The following FAM163A variants were observed in gnomAD, a reference collection of about 807,000 sequenced individuals.
FAM163A encodes family with sequence similarity 163 member A, also known as protein FAM163A.
A neutral mutation model predicts 12.0 loss-of-function variants in FAM163A; 7 were observed. The observed-to-expected ratio is 0.58, with a 90% CI of 0.33 to 1.10. FAM163A has a LOEUF of 1.10. Among genes scored for constraint, FAM163A ranks in the 50% least tolerant of loss-of-function variants. The pLI is 0.03. For missense variants in FAM163A, 202 were observed against 218.6 expected (o/e 0.92, Z 0.48); for synonymous variants, 101 against 91.0 (o/e 1.11, Z -0.62).
chr1:179,805,257 C>T (rs1693764782), intron 1 of FAM163A, among the ~76,000 whole-genome samples: 1 of 152,142 alleles, frequency 6.6e-6, no homozygotes, highest in African/African-American at 2.4e-5. Flanking sequence ...CTGGCTCACG[C>T]CTGTAATCCT....
chr1:179,794,296 A>G (rs1691955503), intron 1 of FAM163A, among the ~76,000 whole-genome samples: 1 of 152,234 alleles, frequency 6.6e-6, no homozygotes, highest in African/African-American at 2.4e-5. Flanking sequence ...TCAGTGTCCA[A>G]AGAAATACTT....
chr1:179,795,167 A>G (rs1172350812), intron 1 of FAM163A, among the ~76,000 whole-genome samples: 1 of 152,244 alleles, frequency 6.6e-6, no homozygotes, highest in Non-Finnish European at 1.5e-5. Flanking sequence ...GCAATTTATG[A>G]CACATCATTA....
At chr1:179,778,250 G>T (rs116390740) in intron 1 of FAM163A, among the ~76,000 whole-genome samples, 1 of 152,124 alleles carries the variant, frequency 6.6e-6, no homozygotes. Context: ...ATCACGAGGA[G>T]GCCAGAGCAG....
chr1:179,748,687 G>A (rs1299484945), intron 1 of FAM163A, among the ~76,000 whole-genome samples: 3 of 152,174 alleles, frequency 2.0e-5, no homozygotes, highest in Non-Finnish European at 2.9e-5. Flanking sequence ...GCAGAGACTG[G>A]CCCAAGGAAC....
chr1:179,736,438 C>T, the FAM163A span, among the ~76,000 whole-genome samples: 1 of 152,064 alleles, frequency 6.6e-6, no homozygotes, highest in Non-Finnish European at 1.5e-5. Context: ...GTTCAACACA[C>T]TAATCATGGG....
At chr1:179,784,608 T>C (rs541554502) in intron 1 of FAM163A, among the ~76,000 whole-genome samples, 4 of 152,290 alleles carry the variant, frequency 2.6e-5, no homozygotes, top group South Asian at 4.1e-4. Flanking sequence ...GAAAACAGTA[T>C]AGCATCTTCC....
rs755318540 is a variant in FAM163A at position 179,814,102 on chromosome 1, G to A, written c.417G>A (p.Leu139=). 1.2e-6 allele frequency: 2 copies of A among 1,614,184 alleles called. No homozygotes were observed. The highest frequency in any genetic ancestry group is 1.1e-5 in the South Asian group (1 of 91,080). The change falls in exon 5 of 5, where the codon TTG becomes TTA. Residue 139 remains leucine (L), a synonymous_variant. Coordinates refer to ENST00000341785, the MANE Select transcript of FAM163A (RefSeq NM_173509.3). ...AGGGGGGACCCCCATCCCTCAAATT[G>A]GCAGCACCCCAGAGTTACCCGGTGA... ...YKEGGPPSLK[L]AAPQSYPVTW...
At chr1:179,736,983 G>T in the FAM163A span, among the ~76,000 whole-genome samples, 2 of 151,928 alleles carry the variant, frequency 1.3e-5, no homozygotes, top group Non-Finnish European at 2.9e-5. Context: ...ATTTAAAATT[G>T]AAAACCATAT....
chr1:179,755,651 T>G (rs560994836), intron 1 of FAM163A, among the ~76,000 whole-genome samples: 1 of 152,274 alleles, frequency 6.6e-6, no homozygotes, highest in East Asian at 1.9e-4. Context: ...AAAACAGAAT[T>G]GATTCATGAA....
chr1:179,775,053 A>G (rs1287566114), intron 1 of FAM163A, among the ~76,000 whole-genome samples: 1 of 152,194 alleles, frequency 6.6e-6, no homozygotes, highest in Admixed American at 6.5e-5. Flanking sequence ...TACACTCCAC[A>G]TTGTGGGAGT....
intron 1 of FAM163A, among the ~76,000 whole-genome samples, chr1:179,743,659 T>A (rs1177283144): frequency 1.3e-5 from 2 of 152,046 alleles, no homozygotes; most frequent in Non-Finnish European, 2.9e-5. Context: ...TGGCTCTCCC[T>A]CTCCGCGCCA....
chr1:179,791,283 G>A (rs1292522153), intron 1 of FAM163A, among the ~76,000 whole-genome samples: 2 of 152,184 alleles, frequency 1.3e-5, no homozygotes, highest in Non-Finnish European at 2.9e-5. Flanking sequence ...TCCTCAGGCC[G>A]TACCACATCC....
chr1:179,800,835 T>G (rs1458184766), intron 1 of FAM163A, among the ~76,000 whole-genome samples: 2 of 152,194 alleles, frequency 1.3e-5, no homozygotes, highest in African/African-American at 4.8e-5. Context: ...GTTCATGTTC[T>G]GTTCTGAGCA....
the FAM163A span, among the ~76,000 whole-genome samples, chr1:179,729,821 A>T: frequency 6.6e-5 from 10 of 152,146 alleles, no homozygotes; most frequent in East Asian, 1.9e-4. Context: ...TATTTTTTTT[A>T]AACTTCTGTT....
At chr1:179,747,693 C>T (rs771031952) in intron 1 of FAM163A, among the ~76,000 whole-genome samples, 10 of 152,204 alleles carry the variant, frequency 6.6e-5, no homozygotes, top group Non-Finnish European at 1.3e-4. Flanking sequence ...TAAGCTGCAG[C>T]ACAGGCGCAA....
At chr1:179,770,939 C>T (rs535866489) in intron 1 of FAM163A, among the ~76,000 whole-genome samples, 27 of 152,156 alleles carry the variant, frequency 1.8e-4, no homozygotes, top group Non-Finnish European at 2.9e-4. Flanking sequence ...GTCACAGTAT[C>T]CTCAAGTCCG....
At chr1:179,766,764 TTC>T (rs201658909) in intron 1 of FAM163A, among the ~76,000 whole-genome samples, 2 of 151,772 alleles carry the variant, frequency 1.3e-5, no homozygotes, top group African/African-American at 2.4e-5. Context: ...TTTTTTTTTT[TTC>T]GGTTTGGAGA....
intron 1 of FAM163A, among the ~76,000 whole-genome samples, chr1:179,778,947 G>A (rs1020031364): frequency 6.6e-6 from 1 of 152,210 alleles, no homozygotes; most frequent in African/African-American, 2.4e-5. Context: ...GGTTCATAAG[G>A]AGAGGGAAGG....
the FAM163A span, among the ~76,000 whole-genome samples, chr1:179,735,816 T>A: frequency 1.3e-5 from 2 of 152,100 alleles, no homozygotes; most frequent in African/African-American, 4.8e-5. Context: ...AGAGCTACAT[T>A]CTAAGACAGG....
Sources: allele counts gnomAD v4.1 joint callset (sites outside exome capture counted in the v4.1 genomes callset), GRCh38; gene constraint gnomAD v4.1.1; transcripts MANE v1.5; gene names NCBI Gene and HGNC (gene_info 2026-07-23, HGNC 2026-07-21).